WDR64: variants seen among roughly 807,000 people sequenced by gnomAD.
The protein encoded by WDR64 is WD repeat domain 64.
WDR64 carries 112 observed loss-of-function variants against 139.3 expected under a neutral mutation model. The ratio of observed to expected loss-of-function variants is 0.80; its 90% CI spans 0.69 to 0.94. The LOEUF (loss-of-function observed/expected upper bound fraction) is 0.94, where lower values mean the gene tolerates loss of function less well. Among genes scored for constraint, WDR64 ranks in the 40% least tolerant of loss-of-function variants. WDR64 has a pLI of 0.00. For missense variants in WDR64, 1,206 were observed against 1,293.1 expected, an observed-to-expected ratio of 0.93 and a Z score of 1.03; for synonymous variants, 444 against 437.7, an observed-to-expected ratio of 1.01 and a Z score of -0.18.
At chr1:241,785,320 A>C (rs1658998176) in intron 23 of WDR64, among the ~76,000 whole-genome samples, 1 of 152,200 alleles carries the variant, frequency 6.6e-6, no homozygotes, top group Admixed American at 6.5e-5. Flanking sequence ...TGGCAGATTC[A>C]GCGTCTACTG....
At chr1:241,735,535 T>C (rs7544139) in intron 10 of WDR64, among the ~76,000 whole-genome samples, 1,310 of 72,240 alleles carry the variant, frequency 0.018, 4 homozygotes, top group Non-Finnish European at 0.035. Flanking sequence ...CTCTCTCTCT[T>C]TTTTTTTTTT....
rs768303813 is a variant in WDR64 at position 241,744,492 on chromosome 1, CT to C, written c.1575del (p.Phe525LeufsTer21). On this transcript the variant is annotated frameshift_variant, in exon 13 of 28. Transcript: ENST00000437684. LOFTEE classifies it high-confidence loss of function. The part of the protein sequence containing the change: ...TSAAVDESGF[L>X]FATGAYNGTV... ...TGCAGCTGTCGATGAAAGTGGATTTCTTTTTGCCACAGGAGCGTATAATGGT... is the reference window on the plus strand; with the variant it reads ...TGCAGCTGTCGATGAAAGTGGATTTCTTTTGCCACAGGAGCGTATAATGGT... The C allele has an allele frequency of 1.1e-5, 18 of 1,613,944 alleles. No homozygotes were observed. Among genetic ancestry groups the C allele is most frequent in the Non-Finnish European group, 1.4e-5 (16 of 1,179,984 alleles).
At chr1:241,794,247 ATCATAAGC>A (rs779971454) in intron 25 of WDR64, among the ~76,000 whole-genome samples, 14 of 152,102 alleles carry the variant, frequency 9.2e-5, no homozygotes, top group Non-Finnish European at 1.9e-4. Flanking sequence ...CTATCACTAA[ATCATAAGC>A]TCTTTATGAG....
rs1343930665 is a variant in WDR64 at position 241,769,470 on chromosome 1, C to G, written c.2148C>G (p.Asp716Glu). 1 of 1,551,488 alleles carries G rather than the reference C, an allele frequency of 6.4e-7. No individual in the cohort carries two copies. Among genetic ancestry groups the G allele is most frequent in the Non-Finnish European group, 8.7e-7 (1 of 1,146,974 alleles). ...ATCCCAAGCACTTTAAAATTAATGA[C>G]ATACTGTTCCTCTTTCGTACCCCTG... ...DLHPKHFKIN[D>E]ILFLFRTPEC... The change falls in exon 17 of 28, where the codon GAC becomes GAG. Residue 716 changes from aspartate to glutamate, a missense_variant. Asp to Glu is a conservative substitution (Grantham distance 45). Transcript: ENST00000437684.
In WDR64 at chr1:241,801,462, A is replaced by G. The variant is rs1659524630; in HGVS notation, c.*247A>G. 6.3e-6 allele frequency: 3 copies of G among 476,818 alleles called. No individual in the cohort carries two copies. Among genetic ancestry groups the G allele is most frequent in the Non-Finnish European group, 1.1e-5 (3 of 269,000 alleles). The allele number at this position is 476,818 out of a possible 1,614,324, so 29.5% of individuals were successfully genotyped here. A position where few individuals can be genotyped will look rare whatever the true frequency, so the allele number is the denominator to read the frequency against. ...TTTACTGTCAGCAAACTGACACATAAGAAAACAAATGAAATCAACAGCATT... is the reference window on the plus strand; with the variant it reads ...TTTACTGTCAGCAAACTGACACATAGGAAAACAAATGAAATCAACAGCATT... On this transcript the variant is annotated 3_prime_UTR_variant, in exon 28 of 28. Coordinates refer to ENST00000437684, the MANE Select transcript of WDR64 (RefSeq NM_001367482.1).
At chr1:241,714,711 T>C (rs1435655346) in intron 9 of WDR64, among the ~76,000 whole-genome samples, 1 of 152,180 alleles carries the variant, frequency 6.6e-6, no homozygotes, top group Non-Finnish European at 1.5e-5. Flanking sequence ...ACAAAGATAA[T>C]ATAGTAGCCT....
chr1:241,703,113 G>C lies in WDR64; in HGVS notation c.975-8689G>C, dbSNP rs1452768098. ...TCCTCTTATATCATAAAGGAGAAAA[G>C]AGAAATGCCTTATTCCTTGTTTCCT... On this transcript the variant is annotated intron_variant, in intron 8 of 27. Transcript: ENST00000437684. This position sits in a 1 kb window ranked among gnomAD's most constrained non-coding sequence, Gnocchi z 5.9. Among the ~76,000 whole-genome samples the C allele has an allele frequency of 6.6e-6, 1 of 152,174 alleles. No individual in the cohort carries two copies. The highest frequency in any genetic ancestry group is 1.9e-4 in the East Asian group (1 of 5,196).
chr1:241,692,442 A>C (rs750806781), intron 8 of WDR64, among the ~76,000 whole-genome samples: 76 of 152,260 alleles, frequency 5.0e-4, no homozygotes, highest in Non-Finnish European at 8.2e-4. Context: ...AATGGAAAAA[A>C]TAGATCAACA....
intron 12 of WDR64, 73 bp from the exon 13 acceptor site, chr1:241,744,320 T>C: frequency 6.4e-7 from 1 of 1,572,960 alleles, no homozygotes; most frequent in Non-Finnish European, 8.6e-7. Context: ...CTGTTTTGAA[T>C]ATGGTGTAAT....
intron 8 of WDR64, among the ~76,000 whole-genome samples, chr1:241,709,202 G>A (rs1030409852): frequency 6.6e-6 from 1 of 152,066 alleles, no homozygotes; most frequent in Non-Finnish European, 1.5e-5. Flanking sequence ...TCCTCCTAAA[G>A]TTTGCAGTTC....
At chr1:241,745,909 AT>A (rs1669739020) in intron 13 of WDR64, among the ~76,000 whole-genome samples, 1 of 152,148 alleles carries the variant, frequency 6.6e-6, no homozygotes, top group African/African-American at 2.4e-5. Context: ...GCTCCACTAA[AT>A]CTGACTGCCC....
chr1:241,687,447 T>C lies in WDR64; in HGVS notation c.840-14T>C. Reference sequence around the variant, plus strand: ...GTCTAACATAAATCTCCCCTGCCTTTTCTTAATCCCCAGTGTTAAAAGGAA... The same window carrying C: ...GTCTAACATAAATCTCCCCTGCCTTCTCTTAATCCCCAGTGTTAAAAGGAA... On this transcript the variant is annotated splice_polypyrimidine_tract_variant and intron_variant, in intron 7 of 27. Transcript: ENST00000437684. The C allele has an allele frequency of 1.2e-6, 2 of 1,613,286 alleles. No homozygotes were observed. Among genetic ancestry groups the C allele is most frequent in the Non-Finnish European group, 1.7e-6 (2 of 1,179,742 alleles).
rs1669298215 is a variant in WDR64, at chr1:241,735,851, C to CTG, written c.1195-2511_1195-2510insGT. On this transcript the variant is annotated intron_variant, in intron 10 of 27. Transcript: ENST00000437684. ...TCTCTCTCTCTCTCTCTCTCTCTCTCTCTCTGTGTGTGTGTGTGTGTGTGT... is the reference window on the plus strand; with the variant it reads ...TCTCTCTCTCTCTCTCTCTCTCTCTCTGTCTCTGTGTGTGTGTGTGTGTGTGT... Among the ~76,000 whole-genome samples, 6 of 87,398 alleles carry CTG rather than the reference C, an allele frequency of 6.9e-5. No individual in the cohort carries two copies. The South Asian group carries it at 1.2e-3, about 18-fold the overall frequency. 57.3% of individuals were successfully genotyped at this position (87,398 alleles called of 152,430 possible).
chr1:241,742,211 A>G (rs1353279537), intron 12 of WDR64, among the ~76,000 whole-genome samples: 2 of 152,004 alleles, frequency 1.3e-5, no homozygotes, highest in African/African-American at 2.4e-5. Context: ...TATGAACCCA[A>G]GTTTTTCTGA....
intron 9 of WDR64, among the ~76,000 whole-genome samples, chr1:241,718,175 T>C (rs1277083362): frequency 6.6e-6 from 1 of 152,176 alleles, no homozygotes; most frequent in African/African-American, 2.4e-5. Flanking sequence ...AAGCACTTAC[T>C]ACTTGCCAAA....
intron 4 of WDR64, among the ~76,000 whole-genome samples, chr1:241,675,085 T>TTCTTCTTTCCTTCCTTTTCTCCCTTCCTC (rs1666459932): frequency 5.7e-5 from 1 of 17,682 alleles, no homozygotes. Context: ...CTCCCTCCCT[T>TTCTTCTTTCCTTCCTTTTCTCCCTTCCTC]CATCCTTCCT....
In WDR64 at chr1:241,674,895, A is replaced by C. The variant is rs1300694391; in HGVS notation, c.483+148A>C. On this transcript the variant is annotated intron_variant, in intron 4 of 27. Coordinates refer to ENST00000437684, the MANE Select transcript of WDR64 (RefSeq NM_001367482.1). ...CTTTCTTTCTTTCCTTCTTGCTTTT[A>C]TTTCCTTCCTCTTATTCCTTCCTTC... The C allele has an allele frequency of 3.1e-4, 38 of 122,050 alleles. 11 individuals are homozygous for C. Among genetic ancestry groups the C allele is most frequent in the Middle Eastern group, 2.7e-3 (1 of 368 alleles). The allele number at this position is 122,050 out of a possible 1,614,324, so 7.6% of individuals were successfully genotyped here.
chr1:241,690,281 A>G (rs1667165000), intron 8 of WDR64, among the ~76,000 whole-genome samples: 1 of 151,772 alleles, frequency 6.6e-6, no homozygotes, highest in Non-Finnish European at 1.5e-5. Flanking sequence ...GATCAGCCTG[A>G]CCAACATGGT....
chr1:241,711,084 A>G (rs1250732823), intron 8 of WDR64, among the ~76,000 whole-genome samples: 1 of 152,150 alleles, frequency 6.6e-6, no homozygotes, highest in East Asian at 1.9e-4. Flanking sequence ...TAAAAATACA[A>G]AAATTACCTG....
Sources: allele counts gnomAD v4.1 joint callset (sites outside exome capture counted in the v4.1 genomes callset), GRCh38; gene constraint gnomAD v4.1.1; non-coding constraint Gnocchi (gnomAD v3.1); transcripts MANE v1.5; gene names NCBI Gene and HGNC (gene_info 2026-07-23, HGNC 2026-07-21).